LANCL1: variants seen among roughly 807,000 people sequenced by gnomAD.
LANCL1 encodes glutathione S-transferase LANCL1.
LANCL1 carries 50 observed loss-of-function variants against 50.6 expected under a neutral mutation model. That is an observed-to-expected ratio of 0.99 (90% CI 0.79 to 1.25). The LOEUF (loss-of-function observed/expected upper bound fraction) is 1.25. Among genes scored for constraint, LANCL1 ranks in the 50% most tolerant of loss-of-function variants. The pLI, the probability that LANCL1 is intolerant of heterozygous loss-of-function variation, is 0.00. For missense variants in LANCL1, 532 were observed against 480.7 expected, an observed-to-expected ratio of 1.11 and a Z score of -1.00; for synonymous variants, 188 against 178.6, an observed-to-expected ratio of 1.05 and a Z score of -0.42.
At chr2:210,442,476 A>G (rs1352875375) in intron 4 of LANCL1, 1 of 152,252 alleles carries the variant, frequency 6.6e-6, no homozygotes, top group Non-Finnish European at 1.5e-5. Context: ...ATTATAGTTC[A>G]TTCAATCCCT....
intron 3 of LANCL1, among the ~76,000 whole-genome samples, chr2:210,470,215 T>C (rs1236078709): frequency 6.6e-6 from 1 of 152,196 alleles, no homozygotes; most frequent in Non-Finnish European, 1.5e-5. Context: ...AGATAATAAA[T>C]GGCAGCTGTT....
intron 3 of LANCL1, among the ~76,000 whole-genome samples, chr2:210,465,441 C>T (rs1448998374): frequency 6.6e-6 from 1 of 152,096 alleles, no homozygotes; most frequent in African/African-American, 2.4e-5. Flanking sequence ...GCTGCAGTTG[C>T]CTGCCATTTT....
intron 4 of LANCL1, among the ~76,000 whole-genome samples, chr2:210,445,145 A>T (rs1294485355): frequency 7.0e-6 from 1 of 143,696 alleles, no homozygotes; most frequent in Non-Finnish European, 1.5e-5. Context: ...AGATTGAAAG[A>T]ACTATGAAAA....
rs901008190 is a variant in LANCL1, at chr2:210,441,318, T to C, written c.533A>G (p.His178Arg). The C allele has an allele frequency of 4.3e-6, 7 of 1,612,228 alleles. No homozygotes were observed. The highest frequency in any genetic ancestry group is 4.0e-5 in the African/African-American group (3 of 74,846). The change falls in exon 5 of 10, where the codon CAT becomes CGT. Residue 178 changes from histidine to arginine, a missense_variant. Physicochemically the swap from His to Arg is conservative, Grantham distance 29. Coordinates refer to ENST00000450366, the MANE Select transcript of LANCL1 (RefSeq NM_006055.3). ...NFGVEKIPQS[H>R]IQQICETILT... ...ACAAAAACGTGGTACCTGCTGAATA[T>C]GGCTTTGAGGAATCTTTTCCACTCC...
chr2:210,438,768 A>G (rs1693027370), intron 6 of LANCL1, among the ~76,000 whole-genome samples: 1 of 152,192 alleles, frequency 6.6e-6, no homozygotes, highest in Non-Finnish European at 1.5e-5. Flanking sequence ...TTTTGACATA[A>G]CAACGTACAG....
chr2:210,446,306 T>C (rs1389600429), intron 4 of LANCL1, among the ~76,000 whole-genome samples: 1 of 151,852 alleles, frequency 6.6e-6, no homozygotes, highest in Non-Finnish European at 1.5e-5. Flanking sequence ...CCACTGGTGA[T>C]CAATATCAAC....
At chr2:210,448,062 G>T (rs1380740849) in intron 4 of LANCL1, among the ~76,000 whole-genome samples, 1 of 152,138 alleles carries the variant, frequency 6.6e-6, no homozygotes, top group Non-Finnish European at 1.5e-5. Context: ...ATTCTTCTCA[G>T]CACCACATCA....
At chr2:210,472,585 G>A (rs1196244859) in intron 2 of LANCL1, among the ~76,000 whole-genome samples, 1 of 152,170 alleles carries the variant, frequency 6.6e-6, no homozygotes, top group Non-Finnish European at 1.5e-5. Flanking sequence ...GCCTTAAGCA[G>A]AATAGAAAGA....
At chr2:210,462,573 A>C (rs1165156747) in intron 3 of LANCL1, among the ~76,000 whole-genome samples, 3 of 152,220 alleles carry the variant, frequency 2.0e-5, no homozygotes, top group African/African-American at 7.2e-5. Context: ...CTTTTCAAAA[A>C]GAAGCAATTA....
In LANCL1 at chr2:210,452,093, T is replaced by C. The variant is rs1186765819; in HGVS notation, c.407+3014A>G. ...GGAGTAATAAAACATTTTTTGAAAA[T>C]AAATAGTGCTGATGGTTGTACAACA... On this transcript the variant is annotated intron_variant, in intron 4 of 9. Coordinates refer to ENST00000450366, the MANE Select transcript of LANCL1 (RefSeq NM_006055.3). Among the ~76,000 whole-genome samples, 4 of 152,094 alleles carry C rather than the reference T, an allele frequency of 2.6e-5. No homozygotes were observed. In the East Asian group the frequency reaches 7.7e-4, roughly 29 times the overall value.
Position 210,456,666 on chromosome 2 carries a change from T to C in LANCL1, c.200-1352A>G, listed in dbSNP as rs190541081. Among the ~76,000 whole-genome samples, 55 of 152,266 alleles carry C rather than the reference T, an allele frequency of 3.6e-4. No homozygotes were observed. The East Asian group carries it at 5.0e-3, about 14-fold the overall frequency. On this transcript the variant is annotated intron_variant, in intron 3 of 9. Transcript: ENST00000450366. Reference sequence around the variant, plus strand: ...CCTTAATAGGCTTCATCTCCATCCATATCACGCATCTGCAGGTGATCCATT... The same window carrying C: ...CCTTAATAGGCTTCATCTCCATCCACATCACGCATCTGCAGGTGATCCATT...
rs753927270 is a variant in LANCL1, at chr2:210,440,614, T to A, written c.674A>T (p.Tyr225Phe). 2 of 1,612,690 alleles carry A rather than the reference T, an allele frequency of 1.2e-6. No homozygotes were observed. The highest frequency in any genetic ancestry group is 1.1e-5 in the South Asian group (1 of 90,676). Reference protein sequence around the residue: ...VGAAHGLAGIYYYLMQPSLQV... With the variant: ...VGAAHGLAGIFYYLMQPSLQV... ...ACTCCTTACCTGCATCAGGTAGTAA[T>A]AAATTCCAGCCAGGCCATGAGCAGC... is the stretch of plus-strand genomic sequence containing the variant. The change falls in exon 6 of 10, where the codon TAT becomes TTT. Residue 225 changes from tyrosine (Y) to phenylalanine (F), a missense_variant. Coordinates refer to ENST00000450366, the MANE Select transcript of LANCL1 (RefSeq NM_006055.3).
chr2:210,468,126 T>C (rs1239408252), intron 3 of LANCL1: 2 of 152,042 alleles, frequency 1.3e-5, no homozygotes, highest in African/African-American at 4.8e-5. Context: ...AAATTATGAT[T>C]CGACATTCCT....
At chr2:210,464,512 A>G (rs1290249799) in intron 3 of LANCL1, among the ~76,000 whole-genome samples, 1 of 152,138 alleles carries the variant, frequency 6.6e-6, no homozygotes, top group African/African-American at 2.4e-5. Flanking sequence ...TCTGTCGACA[A>G]TTTGAAAAAA....
chr2:210,453,803 AT>A (rs552028754), intron 4 of LANCL1, among the ~76,000 whole-genome samples: 330 of 152,300 alleles, frequency 2.2e-3, no homozygotes, highest in African/African-American at 7.5e-3. Context: ...GGCAAGTCTT[AT>A]GCAAGTCAGC....
intron 3 of LANCL1, among the ~76,000 whole-genome samples, chr2:210,469,905 A>G (rs984646631): frequency 2.0e-5 from 3 of 152,118 alleles, no homozygotes; most frequent in Non-Finnish European, 2.9e-5. Context: ...ATATGAGTAC[A>G]TGTGAATGGC....
chr2:210,444,034 T>C (rs1229169935), intron 4 of LANCL1, among the ~76,000 whole-genome samples: 1 of 152,138 alleles, frequency 6.6e-6, no homozygotes, highest in Non-Finnish European at 1.5e-5. Flanking sequence ...TGTATGTATG[T>C]ATGTGTGTCT....
chr2:210,465,435 C>T (rs1020593764), intron 3 of LANCL1, among the ~76,000 whole-genome samples: 1 of 152,174 alleles, frequency 6.6e-6, no homozygotes, highest in African/African-American at 2.4e-5. Flanking sequence ...TCTGCAGCTG[C>T]AGTTGCCTGC....
intron 3 of LANCL1, among the ~76,000 whole-genome samples, chr2:210,467,879 C>A (rs1380461810): frequency 6.6e-6 from 1 of 152,116 alleles, no homozygotes; most frequent in East Asian, 1.9e-4. Flanking sequence ...TTGTAGCTTT[C>A]TTTAGAGTCA....
Sources: allele counts gnomAD v4.1 joint callset (sites outside exome capture counted in the v4.1 genomes callset), GRCh38; gene constraint gnomAD v4.1.1; transcripts MANE v1.5; gene names NCBI Gene and HGNC (gene_info 2026-07-23, HGNC 2026-07-21).